LEKR1: variants seen among roughly 807,000 people sequenced by gnomAD.
LEKR1 encodes protein LEKR1.
Under a neutral mutation model 72.4 loss-of-function variants are expected in LEKR1, and 59 were observed. The observed-to-expected ratio is 0.82, with a 90% CI of 0.66 to 1.01. The LOEUF (loss-of-function observed/expected upper bound fraction) is 1.01, where lower values mean the gene tolerates loss of function less well. LEKR1 is among the 50% of genes least tolerant of loss of function. The pLI, the probability that LEKR1 is intolerant of heterozygous loss-of-function variation, is 0.00. For missense variants in LEKR1, 728 were observed against 759.2 expected, an observed-to-expected ratio of 0.96 and a Z score of 0.48; for synonymous variants, 257 against 263.2, an observed-to-expected ratio of 0.98 and a Z score of 0.23.
intron 12 of LEKR1, among the ~76,000 whole-genome samples, chr3:157,035,071 T>A (rs1160580231): frequency 6.6e-6 from 1 of 152,226 alleles, no homozygotes; most frequent in Admixed American, 6.5e-5. Context: ...TTGATAGCAT[T>A]TTTTAGCAGT....
chr3:156,886,955 G>A (rs2108555327), intron 3 of LEKR1, among the ~76,000 whole-genome samples: 1 of 152,300 alleles, frequency 6.6e-6, no homozygotes, highest in African/African-American at 2.4e-5. Flanking sequence ...AAAGATCATG[G>A]TGTGAGTCTC....
chr3:157,012,845 C>G (rs540801481), intron 10 of LEKR1, among the ~76,000 whole-genome samples: 2 of 152,042 alleles, frequency 1.3e-5, no homozygotes, highest in African/African-American at 2.4e-5. Context: ...TTATTAGCCT[C>G]AGGGTATTCA....
chr3:156,962,921 T>C (rs575693481), intron 6 of LEKR1, among the ~76,000 whole-genome samples: 1 of 152,294 alleles, frequency 6.6e-6, no homozygotes, highest in Admixed American at 6.5e-5. Context: ...TCTTTGCCTT[T>C]TCTTTAACTG....
intron 5 of LEKR1, among the ~76,000 whole-genome samples, chr3:156,932,732 A>G (rs1312630395): frequency 7.0e-6 from 1 of 143,682 alleles, no homozygotes; most frequent in African/African-American, 2.6e-5. Flanking sequence ...AAGGGTATCT[A>G]TGTTATTAAA....
chr3:156,950,220 T>C (rs1727028355), intron 6 of LEKR1, among the ~76,000 whole-genome samples: 1 of 151,492 alleles, frequency 6.6e-6, no homozygotes, highest in South Asian at 2.1e-4. Context: ...TCATTTCTTA[T>C]ATTGTTTTGA....
chr3:156,897,972 A>C (rs1721371599), intron 3 of LEKR1, among the ~76,000 whole-genome samples: 1 of 151,972 alleles, frequency 6.6e-6, no homozygotes, highest in South Asian at 2.1e-4. Flanking sequence ...AAAAAAAAGA[A>C]ATTGTGGAGA....
chr3:156,957,961 A>G (rs1271660048), intron 6 of LEKR1, among the ~76,000 whole-genome samples: 1 of 152,100 alleles, frequency 6.6e-6, no homozygotes, highest in African/African-American at 2.4e-5. Flanking sequence ...CTGGTGTTGA[A>G]TAGATTCACA....
At chr3:156,876,482 T>A (rs1023121265) in intron 3 of LEKR1, among the ~76,000 whole-genome samples, 55 of 152,328 alleles carry the variant, frequency 3.6e-4, no homozygotes, top group African/African-American at 1.2e-3. Context: ...TCCATTTGTG[T>A]TGTCTGTGAT....
rs571961200 is a variant in LEKR1 at position 156,897,376 on chromosome 3, A to G, written c.264-23199A>G. On this transcript the variant is annotated intron_variant, in intron 3 of 12. Transcript: ENST00000356539. ...TATTCTGAGTCAAATGTGAGTGCCC[A>G]TGGCCCATGACACAGCCCTCAGGAG... 2.9e-3 allele frequency among the ~76,000 whole-genome samples: 437 copies of G among 152,266 alleles called. 1 individual carries two copies. Among genetic ancestry groups the G allele is most frequent in the African/African-American group, 0.01 (416 of 41,554 alleles).
intron 3 of LEKR1, among the ~76,000 whole-genome samples, chr3:156,855,010 C>G (rs1213511997): frequency 6.6e-6 from 1 of 151,974 alleles, no homozygotes; most frequent in Non-Finnish European, 1.5e-5. Flanking sequence ...CTACCTTGTT[C>G]TTAACTACAC....
At chr3:157,029,761 C>T (rs1440242116) in intron 12 of LEKR1, among the ~76,000 whole-genome samples, 1 of 152,014 alleles carries the variant, frequency 6.6e-6, no homozygotes, top group African/African-American at 2.4e-5. Context: ...TGATTTGCCT[C>T]AAATGAGACA....
rs1394842060 is a variant in LEKR1, at chr3:157,045,993, G to GT, written c.*246dup. On this transcript the variant is annotated 3_prime_UTR_variant, in exon 13 of 13. Coordinates refer to ENST00000356539, the MANE Select transcript of LEKR1 (RefSeq NM_001004316.3). ...GGTATTCCAGAGGTCCGATTTCTAT[G>GT]TTTATGTTGGAATGTGCTCTATGAA... The GT allele has an allele frequency of 1.3e-5, 6 of 452,612 alleles. No individual in the cohort carries two copies. Among genetic ancestry groups the GT allele is most frequent in the African/African-American group, 1.2e-4 (6 of 51,326 alleles). 28.0% of individuals were successfully genotyped at this position (452,612 alleles called of 1,614,324 possible). A position where few individuals can be genotyped will look rare whatever the true frequency, so the allele number is the denominator to read the frequency against.
chr3:156,949,941 C>T (rs1053883848), intron 6 of LEKR1, among the ~76,000 whole-genome samples: 1 of 151,104 alleles, frequency 6.6e-6, no homozygotes, highest in African/African-American at 2.4e-5. Flanking sequence ...CTTTCTAAAA[C>T]ATTGTATAAA....
intron 10 of LEKR1, among the ~76,000 whole-genome samples, chr3:157,020,294 A>ATTG (rs1157999121): frequency 7.2e-6 from 1 of 138,110 alleles, no homozygotes; most frequent in Admixed American, 7.3e-5. Flanking sequence ...TATTATTATT[A>ATTG]TACTTTAAGT....
intron 6 of LEKR1, among the ~76,000 whole-genome samples, chr3:156,956,500 G>A (rs1366744100): frequency 6.6e-6 from 1 of 151,940 alleles, no homozygotes; most frequent in African/African-American, 2.4e-5. Context: ...ATTAATGTAA[G>A]CATCATTAAC....
chr3:157,031,910 T>TG (rs1734638489), intron 12 of LEKR1, among the ~76,000 whole-genome samples: 1 of 152,070 alleles, frequency 6.6e-6, no homozygotes, highest in Admixed American at 6.6e-5. Flanking sequence ...CAGGGATTAT[T>TG]GGAGGGCATC....
chr3:156,951,207 T>C (rs9859716), intron 6 of LEKR1, among the ~76,000 whole-genome samples: 4,617 of 151,938 alleles, frequency 0.03, 274 homozygotes, highest in African/African-American at 0.11. Flanking sequence ...ATCACAAGGA[T>C]GAAGCCTACT....
chr3:156,937,173 GAACAACAAC>G (rs58343127), intron 5 of LEKR1, among the ~76,000 whole-genome samples: 4 of 151,094 alleles, frequency 2.6e-5, no homozygotes, highest in African/African-American at 9.7e-5. Context: ...AGAACAGCAA[GAACAACAAC>G]AACAACAACA....
chr3:157,034,131 C>T (rs145020912), intron 12 of LEKR1, among the ~76,000 whole-genome samples: 1 of 151,968 alleles, frequency 6.6e-6, no homozygotes. Flanking sequence ...TGGAGATGTA[C>T]AAGGGGATTA....
Sources: allele counts gnomAD v4.1 joint callset (sites outside exome capture counted in the v4.1 genomes callset), GRCh38; gene constraint gnomAD v4.1.1; transcripts MANE v1.5; gene names NCBI Gene and HGNC (gene_info 2026-07-23, HGNC 2026-07-21).